Variants in ARID3B observed in about 807,000 individuals in gnomAD.
ARID3B encodes the protein AT-rich interaction domain 3B.
A neutral mutation model predicts 51.9 loss-of-function variants in ARID3B; 10 were observed. The ratio of observed to expected loss-of-function variants is 0.19; its 90% CI spans 0.12 to 0.33. The LOEUF (loss-of-function observed/expected upper bound fraction) is 0.33, where lower values mean the gene tolerates loss of function less well. Among genes scored for constraint, ARID3B ranks in the 10% least tolerant of loss-of-function variants. The pLI is 1.00. For missense variants in ARID3B, 483 were observed against 716.3 expected, an observed-to-expected ratio of 0.67 and a Z score of 3.72; for synonymous variants, 205 against 279.5, an observed-to-expected ratio of 0.73 and a Z score of 2.66.
At chr15:74,595,483 A>T in intron 8 of ARID3B, 128 bp from the exon 9 acceptor site, 2 of 1,031,748 alleles carry the variant, frequency 1.9e-6, no homozygotes, top group Non-Finnish European at 2.7e-6. Context: ...TTCTCCCATC[A>T]CCCCCTAGCA....
rs1191564943 is a variant in ARID3B at position 74,544,407 on chromosome 15, T to C, written c.471T>C (p.His157=). The C allele has an allele frequency of 2.3e-5, 37 of 1,613,992 alleles. No individual in the cohort carries two copies. The highest frequency in any genetic ancestry group is 3.0e-5 in the Non-Finnish European group (35 of 1,180,014). ...PPHGQQAKED[H]TKDASKASPS... ...ATGGACAACAAGCTAAAGAAGACCA[T>C]ACCAAAGATGCTTCCAAGGCCTCAC... The change falls in exon 2 of 9, where the codon CAT becomes CAC. Residue 157 remains histidine (H), a synonymous_variant. Transcript: ENST00000346246.
intron 8 of ARID3B, among the ~76,000 whole-genome samples, chr15:74,593,474 G>A (rs1026704106): frequency 5.3e-5 from 8 of 152,218 alleles, no homozygotes; most frequent in African/African-American, 1.9e-4. Flanking sequence ...TTTTAGACCA[G>A]TGGTTGGCTC....
At chr15:74,573,532 C>A (rs2061726669) in intron 4 of ARID3B, 2 of 342,476 alleles carry the variant, frequency 5.8e-6, no homozygotes, top group Admixed American at 4.5e-5. Context: ...TTCACTTAAT[C>A]TAGCATGTGG....
Position 74,546,487 on chromosome 15 carries a change from G to A in ARID3B, c.552+1999G>A, listed in dbSNP as rs538649406. ...CTTCAGGAAGTGTAGCAGGTGTTGA[G>A]GTCAAGCCATTAGAGGTTTAAAAAA... On this transcript the variant is annotated intron_variant, in intron 2 of 8. Transcript: ENST00000346246. Among the ~76,000 whole-genome samples the A allele has an allele frequency of 2.6e-5, 4 of 152,298 alleles. No individual in the cohort carries two copies. The South Asian group carries it at 6.2e-4, about 24-fold the overall frequency.
intron 2 of ARID3B, among the ~76,000 whole-genome samples, chr15:74,554,860 TAA>T (rs1364628286): frequency 1.3e-5 from 2 of 152,196 alleles, no homozygotes; most frequent in African/African-American, 2.4e-5. Context: ...TGCAATAAAA[TAA>T]GTCATACATT....
chr15:74,578,100 G>A (rs561423296), intron 4 of ARID3B, among the ~76,000 whole-genome samples: 84 of 151,670 alleles, frequency 5.5e-4, no homozygotes, highest in South Asian at 1.5e-3. Flanking sequence ...CGAGTGATCC[G>A]CCTGCCTCCG....
At chr15:74,558,112 G>A (rs1250088385) in intron 2 of ARID3B, among the ~76,000 whole-genome samples, 1 of 150,628 alleles carries the variant, frequency 6.6e-6, no homozygotes, top group Non-Finnish European at 1.5e-5. Flanking sequence ...TGAGCCACGC[G>A]CCCGGCCTTT....
chr15:74,563,361 C>T (rs2061686213), intron 2 of ARID3B, among the ~76,000 whole-genome samples: 1 of 152,168 alleles, frequency 6.6e-6, no homozygotes, highest in African/African-American at 2.4e-5. Context: ...TGTGTTCTGC[C>T]TGAGGACACC....
chr15:74,577,054 CA>C (rs1364359142), intron 4 of ARID3B, among the ~76,000 whole-genome samples: 1 of 152,134 alleles, frequency 6.6e-6, no homozygotes, highest in Non-Finnish European at 1.5e-5. Flanking sequence ...CTTGCCGTGG[CA>C]GTGTATAGTT....
chr15:74,569,314 A>G (rs1006444471), intron 2 of ARID3B, among the ~76,000 whole-genome samples: 2 of 152,180 alleles, frequency 1.3e-5, no homozygotes, highest in African/African-American at 4.8e-5. Flanking sequence ...TCTGTCTTTT[A>G]GCAGATATAT....
chr15:74,593,957 C>T (rs1344146666), intron 8 of ARID3B, among the ~76,000 whole-genome samples: 1 of 150,850 alleles, frequency 6.6e-6, no homozygotes, highest in Non-Finnish European at 1.5e-5. Context: ...CCAGGAGGAT[C>T]ACTTGAGCCC....
Position 74,596,226 on chromosome 15 carries a change from G to A in ARID3B, c.*452G>A, listed in dbSNP as rs1567128779. On this transcript the variant is annotated 3_prime_UTR_variant, in exon 9 of 9. Coordinates refer to ENST00000346246, the MANE Select transcript of ARID3B (RefSeq NM_006465.4). ...TTTTAAGTCCCATGTGGGGCTGCCAGGAGCCAAGAGCATGCCTTCATGCCC... is the reference window on the plus strand; with the variant it reads ...TTTTAAGTCCCATGTGGGGCTGCCAAGAGCCAAGAGCATGCCTTCATGCCC... The A allele has an allele frequency of 8.4e-6, 2 of 239,430 alleles. No homozygotes were observed. Among genetic ancestry groups the A allele is most frequent in the African/African-American group, 2.2e-5 (1 of 45,442 alleles). 14.8% of individuals were successfully genotyped at this position (239,430 alleles called of 1,614,324 possible). A position where few individuals can be genotyped will look rare whatever the true frequency, so the allele number is the denominator to read the frequency against.
chr15:74,589,018 ACT>A (rs1377756856), intron 4 of ARID3B, among the ~76,000 whole-genome samples: 5 of 129,376 alleles, frequency 3.9e-5, no homozygotes, highest in Non-Finnish European at 6.4e-5. Context: ...AAACAAGCAC[ACT>A]CTTTTTTTTT....
In ARID3B at chr15:74,593,133, A is replaced by C; in HGVS notation, c.1421-5A>C. The C allele has an allele frequency of 6.2e-7, 1 of 1,611,990 alleles. No homozygotes were observed. Among genetic ancestry groups the C allele is most frequent in the Non-Finnish European group, 8.5e-7 (1 of 1,179,486 alleles). On this transcript the variant is annotated splice_polypyrimidine_tract_variant and splice_region_variant and intron_variant, in intron 7 of 8. Transcript: ENST00000346246. ...CCAGGCCCACTGTCTCCCTGTCCCC[A>C]GCAGAAGACAGAGCAGAGGCCTCGG... is the stretch of plus-strand genomic sequence containing the variant.
intron 2 of ARID3B, among the ~76,000 whole-genome samples, chr15:74,549,765 G>A (rs1208413396): frequency 6.6e-6 from 1 of 152,164 alleles, no homozygotes; most frequent in African/African-American, 2.4e-5. Flanking sequence ...CTCAATTAGA[G>A]GTGACCCCTG....
At chr15:74,542,942 G>T (rs1256024875) in intron 1 of ARID3B, among the ~76,000 whole-genome samples, 1 of 152,108 alleles carries the variant, frequency 6.6e-6, no homozygotes, top group Non-Finnish European at 1.5e-5. Context: ...AATGCTTTTG[G>T]CCCGAAAGAC....
Position 74,598,129 on chromosome 15 carries a change from C to T in ARID3B, c.*2355C>T. 2.2e-6 allele frequency: 1 copy of T among 461,782 alleles called. No homozygotes were observed. Among genetic ancestry groups the T allele is most frequent in the Non-Finnish European group, 4.3e-6 (1 of 233,070 alleles). 28.6% of individuals were successfully genotyped at this position (461,782 alleles called of 1,614,324 possible). On this transcript the variant is annotated 3_prime_UTR_variant, in exon 9 of 9. Transcript: ENST00000346246. ...TTCAATAAACCTCTACCTCTTCACA[C>T]AAGCAGGTCTCTCTCAGTTGCTTTG...
intron 4 of ARID3B, among the ~76,000 whole-genome samples, chr15:74,583,505 G>C (rs1196117808): frequency 2.6e-5 from 4 of 151,972 alleles, no homozygotes; most frequent in Non-Finnish European, 5.9e-5. Context: ...ATCATCTGTG[G>C]TGAGGAGTTT....
intron 1 of ARID3B, among the ~76,000 whole-genome samples, chr15:74,541,957 T>C (rs1235252042): frequency 6.6e-6 from 1 of 152,140 alleles, no homozygotes; most frequent in East Asian, 1.9e-4. Flanking sequence ...GCTTAGGGAC[T>C]GCGGGAAAAT....
Sources: gnomAD v4.1 joint callset for allele counts (sites outside exome capture counted in the v4.1 genomes callset) on GRCh38, gnomAD v4.1.1 for gene constraint, MANE v1.5 for transcripts, NCBI Gene and HGNC (gene_info 2026-07-23, HGNC 2026-07-21) for gene names.